Variants in TFPT observed in about 807,000 individuals in gnomAD.
The protein encoded by TFPT is INO80 complex subunit F.
A neutral mutation model predicts 28.8 loss-of-function variants in TFPT; 27 were observed. That is an observed-to-expected ratio of 0.94 (90% CI 0.69 to 1.29). TFPT has a LOEUF of 1.29. Ranked by LOEUF, TFPT falls within the 50% of genes most tolerant of loss-of-function variation. TFPT has a pLI of 0.00. For missense variants in TFPT, 330 were observed against 338.0 expected (o/e 0.98, Z 0.19); for synonymous variants, 152 against 142.8 (o/e 1.06, Z -0.46).
intron 2 of TFPT, among the ~76,000 whole-genome samples, chr19:54,112,209 A>G (rs955895357): frequency 6.6e-6 from 1 of 150,448 alleles, no homozygotes; most frequent in Non-Finnish European, 1.5e-5. Flanking sequence ...AGCCACAGTC[A>G]TGCCACTGCA....
chr19:54,108,258 G>C lies in TFPT; in HGVS notation c.424-14C>G. ...GCTGCCCTCATCCTGGCAGGCAGGA[G>C]GGGGAGGTAGGTGATGGGTGGGTCC... On this transcript the variant is annotated splice_polypyrimidine_tract_variant and intron_variant, in intron 4 of 5. Transcript: ENST00000391759. The C allele has an allele frequency of 1.3e-6, 2 of 1,576,392 alleles. No homozygotes were observed. Among genetic ancestry groups the C allele is most frequent in the Non-Finnish European group, 1.7e-6 (2 of 1,159,996 alleles).
Position 54,110,043 on chromosome 19 carries a change from G to A in TFPT, c.353+8C>T, listed in dbSNP as rs1195394148. ...TCACAGGCCCAGAGGGGACAGAGAA[G>A]GGGTTACCTCCGTTCCTGCTGCAGC... On this transcript the variant is annotated splice_region_variant and intron_variant, in intron 3 of 5. Transcript: ENST00000391759. 5 of 1,613,900 alleles carry A rather than the reference G, an allele frequency of 3.1e-6. No homozygotes were observed. Among genetic ancestry groups the A allele is most frequent in the Non-Finnish European group, 3.4e-6 (4 of 1,179,820 alleles).
At chr19:54,108,434 T>C (rs1170738195) in intron 3 of TFPT, 39 bp from the exon 4 acceptor site, 8 of 1,613,850 alleles carry the variant, frequency 5.0e-6, no homozygotes, top group Non-Finnish European at 5.9e-6. Context: ...ATAACTTATC[T>C]CCTAGCGGCT....
intron 2 of TFPT, among the ~76,000 whole-genome samples, chr19:54,112,737 T>C (rs2073489227): frequency 6.6e-6 from 1 of 151,412 alleles, no homozygotes; most frequent in African/African-American, 2.4e-5. Context: ...TGCAATGAGC[T>C]GAGATTGCGC....
intron 2 of TFPT, among the ~76,000 whole-genome samples, chr19:54,110,806 G>A (rs1036158819): frequency 6.6e-6 from 1 of 152,138 alleles, no homozygotes; most frequent in Non-Finnish European, 1.5e-5. Flanking sequence ...TGAGGAGGCA[G>A]GACGCAGCCT....
chr19:54,108,598 G>T, intron 3 of TFPT: 1 of 1,550,640 alleles, frequency 6.4e-7, no homozygotes, highest in Non-Finnish European at 8.7e-7. Context: ...CAACCATTCT[G>T]AGGCTGAGTT....
At position 54,115,596 on chromosome 19, in the gene TFPT, G is replaced by A. The variant is rs868660812; in HGVS notation, c.-327C>T. Reference sequence around the variant, plus strand: ...GCTTAGCAGGATCGGTCCACAGCGGGACGTGAGTCCCTTTCCTCCTCGCGG... The same window carrying A: ...GCTTAGCAGGATCGGTCCACAGCGGAACGTGAGTCCCTTTCCTCCTCGCGG... On this transcript the variant is annotated 5_prime_UTR_variant, in exon 1 of 6. Transcript: ENST00000391759. 9 of 487,176 alleles carry A rather than the reference G, an allele frequency of 1.8e-5. No individual in the cohort carries two copies. The highest frequency in any genetic ancestry group is 2.9e-5 in the Non-Finnish European group (8 of 272,522). The allele number at this position is 487,176 out of a possible 1,614,324, so 30.2% of individuals were successfully genotyped here.
At position 54,114,581 on chromosome 19, in the gene TFPT, A is replaced by G; in HGVS notation, c.143T>C (p.Val48Ala). The G allele has an allele frequency of 1.9e-6, 3 of 1,614,044 alleles. No homozygotes were observed. Among genetic ancestry groups the G allele is most frequent in the Non-Finnish European group, 2.5e-6 (3 of 1,179,990 alleles). ...CCCTGAGCCGCCCAGACCACCTGAC[A>G]CAAACTCCACTTCCGTCTCCAGCTC... ...ESELETEVEFVSGGLGGSGLR... is the reference protein window; with the variant it reads ...ESELETEVEFASGGLGGSGLR... The change falls in exon 2 of 6, where the codon GTG (valine) becomes GCG (alanine). Residue 48 changes from valine (V) to alanine (A), a missense_variant. Coordinates refer to ENST00000391759, the MANE Select transcript of TFPT (RefSeq NM_013342.4).
rs1043598846 is a variant in TFPT at position 54,115,179 on chromosome 19, G to T, written c.23+68C>A. ...CAGACCTCAGCGTAAAAGCTCATATGGTTGCACACAATGCAGCTGCACTGT... is the reference window on the plus strand; with the variant it reads ...CAGACCTCAGCGTAAAAGCTCATATTGTTGCACACAATGCAGCTGCACTGT... On this transcript the variant is annotated intron_variant, in intron 1 of 5. Coordinates refer to ENST00000391759, the MANE Select transcript of TFPT (RefSeq NM_013342.4). 46 of 1,610,388 alleles carry T rather than the reference G, an allele frequency of 2.9e-5. No homozygotes were observed. In the African/African-American group the frequency reaches 5.3e-4, roughly 19 times the overall value.
At chr19:54,111,671 C>T (rs2073459053) in intron 2 of TFPT, among the ~76,000 whole-genome samples, 1 of 114,474 alleles carries the variant, frequency 8.7e-6, no homozygotes. Context: ...CAGAGTAAGA[C>T]TCTGTCTCAA....
At chr19:54,107,305 G>A in intron 5 of TFPT, 136 bp from the exon 6 acceptor site, 1 of 1,200,376 alleles carries the variant, frequency 8.3e-7, no homozygotes, top group Non-Finnish European at 1.2e-6. Flanking sequence ...CTGGAGTGCA[G>A]TGGTGCCATC....
chr19:54,109,139 C>G (rs2073370867), intron 3 of TFPT: 1 of 156,868 alleles, frequency 6.4e-6, no homozygotes, highest in Non-Finnish European at 1.4e-5. Context: ...TCGTGATCCG[C>G]CTGCCTCGGC....
chr19:54,107,362 C>G (rs1408658884), intron 5 of TFPT, 193 bp from the exon 6 acceptor site: 3 of 685,368 alleles, frequency 4.4e-6, no homozygotes, highest in African/African-American at 3.6e-5. Context: ...GATCCTCCCA[C>G]CTCAGCTTCC....
chr19:54,115,509 C>A lies in TFPT; in HGVS notation c.-240G>T. ...CTTGTCTAACGCCGCAACCAGTCCT[C>A]TGAGTTGCCAACGTCTTTCTTCTTG... On this transcript the variant is annotated 5_prime_UTR_variant, in exon 1 of 6. Coordinates refer to ENST00000391759, the MANE Select transcript of TFPT (RefSeq NM_013342.4). 1.7e-6 allele frequency: 1 copy of A among 599,926 alleles called. No individual in the cohort carries two copies. Among genetic ancestry groups the A allele is most frequent in the East Asian group, 2.8e-5 (1 of 36,178 alleles). 37.2% of individuals were successfully genotyped at this position (599,926 alleles called of 1,614,324 possible).
intron 3 of TFPT, 57 bp downstream of exon 3, chr19:54,109,994 C>G: frequency 6.4e-7 from 1 of 1,565,220 alleles, no homozygotes; most frequent in Non-Finnish European, 8.8e-7. Context: ...GACAGAGGGG[C>G]TGGGAGCATT....
intron 2 of TFPT, among the ~76,000 whole-genome samples, 192 bp downstream of exon 2, chr19:54,114,250 C>A (rs113233470): frequency 4.5e-4 from 68 of 152,316 alleles, no homozygotes; most frequent in Non-Finnish European, 7.6e-4. Context: ...GGAAGCTCCA[C>A]GGGAGATGGC....
chr19:54,108,576 A>G, intron 3 of TFPT, 181 bp from the exon 4 acceptor site: 1 of 1,584,074 alleles, frequency 6.3e-7, no homozygotes, highest in South Asian at 1.1e-5. Flanking sequence ...TGAGACCTCG[A>G]GCAAGACAAG....
chr19:54,114,473 GC>G lies in TFPT; in HGVS notation c.250del (p.Ala84HisfsTer2), dbSNP rs764008690. ...QRELNRRKYQ[A>X]LGRRCREIEQ... is the part of the protein sequence containing the mutation. Reference sequence around the variant, plus strand: ...GATCTCCCGGCAGCGCCGACCTAGTGCCTGGTACTTTCTGCGATTTAATTCC... The same window carrying G: ...GATCTCCCGGCAGCGCCGACCTAGTGCTGGTACTTTCTGCGATTTAATTCC... On this transcript the variant is annotated frameshift_variant, in exon 2 of 6. Coordinates refer to ENST00000391759, the MANE Select transcript of TFPT (RefSeq NM_013342.4). LOFTEE classifies it high-confidence loss of function. The G allele has an allele frequency of 6.2e-7, 1 of 1,613,728 alleles. No individual in the cohort carries two copies. The highest frequency in any genetic ancestry group is 2.2e-5 in the East Asian group (1 of 44,876).
intron 1 of TFPT, chr19:54,114,976 C>T: frequency 1.5e-6 from 1 of 662,228 alleles, no homozygotes; most frequent in Non-Finnish European, 2.5e-6. Flanking sequence ...GACTTTTTCT[C>T]TCCAAGGACC....
Sources: gnomAD v4.1 joint callset for allele counts (sites outside exome capture counted in the v4.1 genomes callset) on GRCh38, gnomAD v4.1.1 for gene constraint, MANE v1.5 for transcripts, NCBI Gene and HGNC (gene_info 2026-07-23, HGNC 2026-07-21) for gene names.